Variants in DOK6 observed in about 807,000 individuals in gnomAD.
DOK6 encodes docking protein 6.
Under a neutral mutation model 44.0 loss-of-function variants are expected in DOK6, and 22 were observed. That is an observed-to-expected ratio of 0.50 (90% CI 0.36 to 0.71). The LOEUF is 0.71. Ranked by LOEUF, DOK6 falls within the 30% of genes least tolerant of loss-of-function variation. The pLI, the probability that DOK6 is intolerant of heterozygous loss-of-function variation, is 0.00. For synonymous variants in DOK6, 166 were observed against 145.5 expected (o/e 1.14, Z -1.01); for missense variants, 340 against 416.4 (o/e 0.82, Z 1.60).
At chr18:69,487,769 T>C (rs1345195010) in intron 1 of DOK6, among the ~76,000 whole-genome samples, 1 of 152,152 alleles carries the variant, frequency 6.6e-6, no homozygotes, top group Non-Finnish European at 1.5e-5. Flanking sequence ...ATTTTGAAGA[T>C]CTCTGCCCTG....
intron 7 of DOK6, among the ~76,000 whole-genome samples, chr18:69,758,626 T>C (rs1341219176): frequency 6.6e-6 from 1 of 152,154 alleles, no homozygotes; most frequent in Non-Finnish European, 1.5e-5. Flanking sequence ...TAGCCAACAC[T>C]GGAGGAAGCA....
At chr18:69,422,169 C>T (rs148411338) in intron 1 of DOK6, among the ~76,000 whole-genome samples, 1 of 152,228 alleles carries the variant, frequency 6.6e-6, no homozygotes, top group African/African-American at 2.4e-5. Context: ...CCCACTGGAC[C>T]GCCTTCCCTG....
chr18:69,506,777 G>A (rs2144552563), intron 1 of DOK6, among the ~76,000 whole-genome samples: 1 of 151,968 alleles, frequency 6.6e-6, no homozygotes, highest in South Asian at 2.1e-4. Context: ...TTGCCGGGTT[G>A]TATGGTGTGT....
intron 1 of DOK6, among the ~76,000 whole-genome samples, chr18:69,402,876 C>A (rs979658951): frequency 6.6e-6 from 1 of 152,144 alleles, no homozygotes; most frequent in African/African-American, 2.4e-5. Flanking sequence ...CATATAAGGA[C>A]GAACCCACGG....
chr18:69,601,686 C>A (rs778510957), intron 3 of DOK6, among the ~76,000 whole-genome samples: 4 of 152,156 alleles, frequency 2.6e-5, no homozygotes, highest in African/African-American at 7.2e-5. Flanking sequence ...AATTTAAAGG[C>A]CATCAAGATT....
chr18:69,757,610 T>G, intron 6 of DOK6, 146 bp from the exon 7 acceptor site: 1 of 659,832 alleles, frequency 1.5e-6, no homozygotes, highest in Non-Finnish European at 2.7e-6. Flanking sequence ...TGATTTTACT[T>G]TAAAAGTTAT....
intron 1 of DOK6, among the ~76,000 whole-genome samples, chr18:69,537,281 T>C (rs933362619): frequency 1.4e-4 from 21 of 152,216 alleles, no homozygotes; most frequent in Admixed American, 1.0e-3. Flanking sequence ...GTCTCACTCA[T>C]GTCTTCTCTT....
intron 2 of DOK6, among the ~76,000 whole-genome samples, chr18:69,577,239 A>C (rs1224807847): frequency 6.6e-6 from 1 of 152,172 alleles, no homozygotes; most frequent in African/African-American, 2.4e-5. Context: ...GCACATGGGC[A>C]TAATGTTCTG....
At chr18:69,443,640 A>G (rs1435330726) in intron 1 of DOK6, among the ~76,000 whole-genome samples, 2 of 152,148 alleles carry the variant, frequency 1.3e-5, no homozygotes, top group African/African-American at 4.8e-5. Flanking sequence ...CTTCAAAACC[A>G]TTCAGGAGCC....
At chr18:69,672,359 G>GTTTGT (rs988928633) in intron 3 of DOK6, among the ~76,000 whole-genome samples, 5 of 150,104 alleles carry the variant, frequency 3.3e-5, no homozygotes, top group African/African-American at 9.7e-5. Context: ...TAGTTTGTTT[G>GTTTGT]TTTGTTTTGT....
At chr18:69,515,897 T>A (rs1272478562) in intron 1 of DOK6, among the ~76,000 whole-genome samples, 1 of 54,406 alleles carries the variant, frequency 1.8e-5, no homozygotes, top group African/African-American at 4.4e-5. Context: ...TGCAAACAGA[T>A]CTGAATTTCT....
intron 3 of DOK6, among the ~76,000 whole-genome samples, chr18:69,623,081 T>G (rs1984480146): frequency 1.3e-5 from 2 of 152,184 alleles, no homozygotes; most frequent in African/African-American, 2.4e-5. Flanking sequence ...CTTACTGTTC[T>G]CATGACAGAG....
At chr18:69,472,406 C>T (rs1335946829) in intron 1 of DOK6, among the ~76,000 whole-genome samples, 1 of 152,162 alleles carries the variant, frequency 6.6e-6, no homozygotes, top group Non-Finnish European at 1.5e-5. Flanking sequence ...GGTGGCACAT[C>T]ATATTCTTGC....
intron 5 of DOK6, among the ~76,000 whole-genome samples, chr18:69,727,667 T>C (rs954143892): frequency 1.3e-5 from 2 of 152,204 alleles, no homozygotes; most frequent in Non-Finnish European, 2.9e-5. Context: ...TGCCAATTAA[T>C]TTTCACAGAC....
intron 1 of DOK6, among the ~76,000 whole-genome samples, chr18:69,563,103 AC>A (rs1982878084): frequency 6.6e-6 from 1 of 152,236 alleles, no homozygotes; most frequent in South Asian, 2.1e-4. Context: ...ACAATGCGAT[AC>A]CATCTCACAC....
At chr18:69,602,977 C>T (rs1433602518) in intron 3 of DOK6, among the ~76,000 whole-genome samples, 6 of 152,154 alleles carry the variant, frequency 3.9e-5, no homozygotes, top group Non-Finnish European at 8.8e-5. Context: ...AAAATCATTG[C>T]CACTGTTCAG....
intron 3 of DOK6, among the ~76,000 whole-genome samples, chr18:69,665,441 C>A (rs978822352): frequency 2.6e-5 from 4 of 152,228 alleles, no homozygotes; most frequent in Non-Finnish European, 5.9e-5. Context: ...ATTATTTGTA[C>A]CTAATTATAG....
chr18:69,540,816 C>G (rs1235910680), intron 1 of DOK6, among the ~76,000 whole-genome samples: 1 of 152,106 alleles, frequency 6.6e-6, no homozygotes, highest in African/African-American at 2.4e-5. Context: ...GGCATTTCAC[C>G]TAAAGTTATT....
rs1424289748 is a variant in DOK6 at position 69,847,128 on chromosome 18, T to A, written c.*5745T>A. 1 of 152,102 alleles carries A rather than the reference T, an allele frequency of 6.6e-6. No homozygotes were observed. The highest frequency in any genetic ancestry group is 2.4e-5 in the African/African-American group (1 of 41,410). The allele number at this position is 152,102 out of a possible 1,614,324, so 9.4% of individuals were successfully genotyped here. On this transcript the variant is annotated 3_prime_UTR_variant, in exon 8 of 8. Coordinates refer to ENST00000382713, the MANE Select transcript of DOK6 (RefSeq NM_152721.6). ...CCCTCTAACAATTCTGTTTAACTAG[T>A]AAGTTTTTTTTAAGTTATCTTCCAT...
Sources: allele counts gnomAD v4.1 joint callset (sites outside exome capture counted in the v4.1 genomes callset), GRCh38; gene constraint gnomAD v4.1.1; transcripts MANE v1.5; gene names NCBI Gene and HGNC (gene_info 2026-07-23, HGNC 2026-07-21).